Variants in CSMD1 observed in about 807,000 individuals in gnomAD.
CSMD1 encodes the protein CUB and sushi domain-containing protein 1.
Under a neutral mutation model 417.5 loss-of-function variants are expected in CSMD1, and 213 were observed. The observed-to-expected ratio is 0.51, with a 90% CI of 0.46 to 0.57. CSMD1 has a LOEUF of 0.57. CSMD1 is among the 20% of genes least tolerant of loss of function. The pLI is 0.00. For synonymous variants in CSMD1, 2,862 were observed against 1,736.8 expected (o/e 1.65, Z -16.11); for missense variants, 6,923 against 4,529.7 (o/e 1.53, Z -15.17).
At position 4,028,202 on chromosome 8, in the gene CSMD1, C is replaced by T. The variant is rs75983161; in HGVS notation, c.610+3703G>A. On this transcript the variant is annotated intron_variant, in intron 4 of 69. Transcript: ENST00000635120. Reference sequence around the variant, plus strand: ...TAGGAACTAGTCATCATATGAATTTCTCTAGGACAGAGGAATAATTCAAAT... The same window carrying T: ...TAGGAACTAGTCATCATATGAATTTTTCTAGGACAGAGGAATAATTCAAAT... Among the ~76,000 whole-genome samples, 432 of 152,262 alleles carry T rather than the reference C, an allele frequency of 2.8e-3. 2 individuals carry two copies. Among genetic ancestry groups the T allele is most frequent in the African/African-American group, 0.01 (418 of 41,546 alleles).
At chr8:3,254,922 T>C (rs1354490922) in intron 26 of CSMD1, among the ~76,000 whole-genome samples, 5 of 152,226 alleles carry the variant, frequency 3.3e-5, no homozygotes, top group African/African-American at 9.6e-5. Context: ...GAGGAGCTGA[T>C]TTCCTTTGGA....
At chr8:3,073,135 A>C (rs1813425574) in intron 49 of CSMD1, among the ~76,000 whole-genome samples, 1 of 152,340 alleles carries the variant, frequency 6.6e-6, no homozygotes, top group Non-Finnish European at 1.5e-5. Context: ...GTCTCTGATG[A>C]AAACTTTGCA....
intron 3 of CSMD1, among the ~76,000 whole-genome samples, chr8:4,292,046 G>A (rs183094685): frequency 6.6e-6 from 1 of 152,180 alleles, no homozygotes; most frequent in African/African-American, 2.4e-5. Flanking sequence ...TAATAATGGA[G>A]GTTTGGACAC....
chr8:4,848,381 T>G (rs946710498), intron 1 of CSMD1, among the ~76,000 whole-genome samples: 1 of 152,218 alleles, frequency 6.6e-6, no homozygotes. Context: ...AAGATTATAG[T>G]GGAGCTGAAA....
At chr8:2,981,879 G>T (rs1429974804) in intron 54 of CSMD1, among the ~76,000 whole-genome samples, 3 of 152,068 alleles carry the variant, frequency 2.0e-5, no homozygotes, top group African/African-American at 4.8e-5. Flanking sequence ...ATAATAAAAG[G>T]CATCAGCATT....
intron 12 of CSMD1, among the ~76,000 whole-genome samples, chr8:3,455,334 A>T (rs1158221886): frequency 6.6e-6 from 1 of 152,082 alleles, no homozygotes; most frequent in Non-Finnish European, 1.5e-5. Context: ...TCTCTGTCCA[A>T]CGTTGCTCCA....
chr8:3,105,357 G>A (rs1307006746), intron 46 of CSMD1, among the ~76,000 whole-genome samples: 1 of 152,170 alleles, frequency 6.6e-6, no homozygotes, highest in Non-Finnish European at 1.5e-5. Context: ...GAGCCACAAT[G>A]CTCAAAAGCA....
At chr8:4,165,173 C>G (rs1346030035) in intron 3 of CSMD1, among the ~76,000 whole-genome samples, 1 of 152,144 alleles carries the variant, frequency 6.6e-6, no homozygotes, top group Admixed American at 6.5e-5. Context: ...ATGATACCTA[C>G]GCCTAGCCAG....
rs76427572 is a variant in CSMD1 at position 4,493,172 on chromosome 8, T to C, written c.303-73107A>G. On this transcript the variant is annotated intron_variant, in intron 2 of 69. Transcript: ENST00000635120. ...TTTTTTAAAGGCAGCAATAGTATTC[T>C]TCACCTTAAGACAGTAAGCGTTATA... is the stretch of plus-strand genomic sequence containing the variant. Among the ~76,000 whole-genome samples the C allele has an allele frequency of 9.3e-3, 1,423 of 152,312 alleles. 43 individuals carry two copies. Among genetic ancestry groups the C allele is most frequent in the East Asian group, 0.065 (337 of 5,176 alleles).
intron 3 of CSMD1, among the ~76,000 whole-genome samples, chr8:4,251,895 GA>G (rs1322875160): frequency 6.7e-6 from 1 of 148,576 alleles, no homozygotes; most frequent in African/African-American, 2.5e-5. Context: ...GAAGGGAGGG[GA>G]GGGGAGGGGA....
intron 52 of CSMD1, among the ~76,000 whole-genome samples, chr8:3,000,766 T>A (rs1027391820): frequency 1.8e-4 from 28 of 152,166 alleles, no homozygotes; most frequent in Non-Finnish European, 1.0e-4. Flanking sequence ...CATGCACAGC[T>A]GACAGCTGAA....
intron 3 of CSMD1, among the ~76,000 whole-genome samples, chr8:4,138,679 G>A (rs1479031182): frequency 6.6e-6 from 1 of 152,046 alleles, no homozygotes; most frequent in Non-Finnish European, 1.5e-5. Flanking sequence ...ATTTTTCAAA[G>A]TTAAATTGTA....
At chr8:4,227,628 G>C (rs958082988) in intron 3 of CSMD1, among the ~76,000 whole-genome samples, 5 of 151,960 alleles carry the variant, frequency 3.3e-5, no homozygotes, top group Non-Finnish European at 5.9e-5. Flanking sequence ...CAGACACTCG[G>C]CCTTCTTCCT....
chr8:3,591,102 C>A (rs1469688231), intron 8 of CSMD1, among the ~76,000 whole-genome samples: 1 of 152,174 alleles, frequency 6.6e-6, no homozygotes, highest in African/African-American at 2.4e-5. Context: ...CGTTGCACAA[C>A]TGAGACAATT....
chr8:3,892,710 G>A (rs1033423938), intron 5 of CSMD1, among the ~76,000 whole-genome samples: 11 of 134,346 alleles, frequency 8.2e-5, no homozygotes, highest in African/African-American at 2.5e-4. Context: ...AGTACATTTA[G>A]GCAGGTTTTT....
At chr8:4,126,739 A>G (rs1024433540) in intron 3 of CSMD1, among the ~76,000 whole-genome samples, 2 of 152,192 alleles carry the variant, frequency 1.3e-5, no homozygotes, top group African/African-American at 4.8e-5. Flanking sequence ...TTGAAAAGCC[A>G]ACAAAAAAAT....
intron 7 of CSMD1, among the ~76,000 whole-genome samples, chr8:3,657,454 A>G (rs1798186831): frequency 6.6e-6 from 1 of 152,214 alleles, no homozygotes; most frequent in Non-Finnish European, 1.5e-5. Context: ...CCAAATGCCC[A>G]TCAATGATAG....
At chr8:3,553,470 T>A (rs1478392000) in intron 10 of CSMD1, among the ~76,000 whole-genome samples, 2 of 152,196 alleles carry the variant, frequency 1.3e-5, no homozygotes, top group Non-Finnish European at 2.9e-5. Context: ...ATGAAAAAAA[T>A]TTGAAGAAGA....
intron 3 of CSMD1, among the ~76,000 whole-genome samples, chr8:4,130,301 G>C (rs903998277): frequency 2.0e-5 from 3 of 152,026 alleles, no homozygotes; most frequent in Non-Finnish European, 2.9e-5. Context: ...CTTTATTCTG[G>C]TATAATCCCC....
Sources: gnomAD v4.1 joint callset for allele counts (sites outside exome capture counted in the v4.1 genomes callset) on GRCh38, gnomAD v4.1.1 for gene constraint, MANE v1.5 for transcripts, NCBI Gene and HGNC (gene_info 2026-07-23, HGNC 2026-07-21) for gene names.